The following HLCS variants were observed in gnomAD, a reference collection of about 807,000 sequenced individuals.
The protein encoded by HLCS is holocarboxylase synthetase.
HLCS carries 53 observed loss-of-function variants against 75.0 expected under a neutral mutation model. The observed-to-expected ratio is 0.71, with a 90% CI of 0.57 to 0.89. HLCS has a LOEUF of 0.89. HLCS is among the 40% of genes least tolerant of loss of function. The pLI is 0.00. For missense variants in HLCS, 966 were observed against 1,074.0 expected (o/e 0.90, Z 1.41); for synonymous variants, 431 against 428.6 (o/e 1.01, Z -0.07).
intron 6 of HLCS, among the ~76,000 whole-genome samples, chr21:36,879,329 T>C (rs975153455): frequency 4.6e-5 from 7 of 152,176 alleles, no homozygotes; most frequent in Non-Finnish European, 1.0e-4. Flanking sequence ...TTATTTATAA[T>C]AGGAAATCAC....
At chr21:36,829,803 C>A (rs1172545468) in intron 6 of HLCS, among the ~76,000 whole-genome samples, 2 of 152,210 alleles carry the variant, frequency 1.3e-5, no homozygotes, top group Admixed American at 1.3e-4. Context: ...GCCCCTCTCC[C>A]CGGCCCTCTC....
rs553840865 is a variant in HLCS, at chr21:36,814,811, C to T, written c.1893-47526G>A. ...TCTCCATTTCTAATCCCTCTCCAGG[C>T]AATGCTGATACTGCTGGTTCAAAAT... On this transcript the variant is annotated intron_variant, in intron 6 of 10. Coordinates refer to ENST00000674895, the MANE Select transcript of HLCS (RefSeq NM_001352514.2). Among the ~76,000 whole-genome samples, 5 of 152,260 alleles carry T rather than the reference C, an allele frequency of 3.3e-5. No individual in the cohort carries two copies. In the East Asian group the frequency reaches 7.7e-4, roughly 24 times the overall value.
In HLCS at chr21:36,765,049, GC is replaced by G; in HGVS notation, c.2083del (p.Ala695LeufsTer6). 1 of 1,614,218 alleles carries G rather than the reference GC, an allele frequency of 6.2e-7. No homozygotes were observed. Among genetic ancestry groups the G allele is most frequent in the South Asian group, 1.1e-5 (1 of 91,090 alleles). On this transcript the variant is annotated frameshift_variant, in exon 8 of 11. Coordinates refer to ENST00000674895, the MANE Select transcript of HLCS (RefSeq NM_001352514.2). LOFTEE classifies it high-confidence loss of function. ...AATGGACCTCACTGCTTCCACGACAGCCACGGACATCAGATGCTGGACAAAC... is the reference window on the plus strand; with the variant it reads ...AATGGACCTCACTGCTTCCACGACAGCACGGACATCAGATGCTGGACAAAC... ...IPFVQHLMSV[A>X]VVEAVRSIPE...
chr21:36,797,861 G>T (rs1569024273), intron 6 of HLCS, among the ~76,000 whole-genome samples: 1 of 152,332 alleles, frequency 6.6e-6, no homozygotes, highest in Non-Finnish European at 1.5e-5. Context: ...CATTTACTAT[G>T]TAACACTGTT....
intron 6 of HLCS, among the ~76,000 whole-genome samples, chr21:36,815,793 G>C (rs976191887): frequency 5.3e-5 from 8 of 152,144 alleles, no homozygotes; most frequent in African/African-American, 1.9e-4. Flanking sequence ...CATAGACCAA[G>C]GATGGTCAAC....
intron 6 of HLCS, among the ~76,000 whole-genome samples, chr21:36,891,467 G>A (rs1159859996): frequency 6.6e-6 from 1 of 152,198 alleles, no homozygotes; most frequent in Non-Finnish European, 1.5e-5. Context: ...TTTTATGTAT[G>A]CCCCAGAAAC....
At chr21:36,799,647 C>T (rs528835234) in intron 6 of HLCS, among the ~76,000 whole-genome samples, 44 of 152,264 alleles carry the variant, frequency 2.9e-4, no homozygotes, top group African/African-American at 1.0e-3. Flanking sequence ...GGCCTGAACA[C>T]CCCACCTGCA....
rs1376943382 is a variant in HLCS, at chr21:36,754,340, T to C, written c.2528A>G (p.Gln843Arg). ...IVGLDDSGFL[Q>R]VHQEGGEVVT... ...AACCTCGCCGCCCTCCTGGTGAACC[T>C]GGAGGAAGCCAGAATCGTCCAGGCC... Residue 843 changes from glutamine to arginine, a missense_variant, in exon 11 of 11, where the codon CAG (glutamine) becomes CGG (arginine). Coordinates refer to ENST00000674895, the MANE Select transcript of HLCS (RefSeq NM_001352514.2). 1.9e-6 allele frequency: 3 copies of C among 1,613,944 alleles called. No individual in the cohort carries two copies. Among genetic ancestry groups the C allele is most frequent in the Admixed American group, 1.7e-5 (1 of 60,014 alleles).
intron 6 of HLCS, among the ~76,000 whole-genome samples, chr21:36,821,248 G>A (rs749173845): frequency 1.8e-4 from 27 of 152,302 alleles, no homozygotes; most frequent in South Asian, 4.1e-4. Context: ...ACTGTGTCCA[G>A]GGGATCGTGC....
chr21:36,788,501 C>T (rs776904635), intron 6 of HLCS, among the ~76,000 whole-genome samples: 2 of 152,222 alleles, frequency 1.3e-5, no homozygotes, highest in African/African-American at 2.4e-5. Flanking sequence ...GCTGTGTGTG[C>T]TTTCACAAAA....
chr21:36,824,104 A>G (rs2061934013), intron 6 of HLCS, among the ~76,000 whole-genome samples: 1 of 152,140 alleles, frequency 6.6e-6, no homozygotes, highest in Admixed American at 6.5e-5. Context: ...ACATGGTGAA[A>G]CCCTGTCTCT....
At chr21:36,754,854 G>T (rs2089498543) in intron 10 of HLCS, among the ~76,000 whole-genome samples, 1 of 152,154 alleles carries the variant, frequency 6.6e-6, no homozygotes, top group Non-Finnish European at 1.5e-5. Context: ...AACTCATCCT[G>T]ATCCTACTTC....
intron 6 of HLCS, among the ~76,000 whole-genome samples, chr21:36,782,396 G>A (rs73210798): frequency 0.058 from 8,826 of 152,204 alleles, 359 homozygotes; most frequent in Non-Finnish European, 0.091. Flanking sequence ...CAGCACATGG[G>A]TAGTAAGACA....
intron 5 of HLCS, among the ~76,000 whole-genome samples, chr21:36,907,834 G>C (rs908831538): frequency 2.0e-5 from 3 of 152,152 alleles, no homozygotes; most frequent in Non-Finnish European, 4.4e-5. Context: ...GAGCAAAAGA[G>C]CTGAATAGAC....
chr21:36,756,510 G>A, intron 10 of HLCS, 32 bp downstream of exon 10: 1 of 827,540 alleles, frequency 1.2e-6, no homozygotes, highest in Middle Eastern at 2.6e-4. Flanking sequence ...TAATAAAGGA[G>A]TTGAAAAGAA....
chr21:36,821,095 C>G (rs537305646), intron 6 of HLCS, among the ~76,000 whole-genome samples: 1 of 152,298 alleles, frequency 6.6e-6, no homozygotes, highest in Admixed American at 6.5e-5. Context: ...ACCACGTGTT[C>G]ATCTGACAGC....
intron 6 of HLCS, among the ~76,000 whole-genome samples, chr21:36,776,729 C>G (rs1291687628): frequency 1.3e-5 from 2 of 152,178 alleles, no homozygotes; most frequent in Admixed American, 1.3e-4. Flanking sequence ...GCACTATTAT[C>G]TAATCCAGAG....
chr21:36,861,783 T>C (rs2063390265), intron 6 of HLCS, among the ~76,000 whole-genome samples: 1 of 152,232 alleles, frequency 6.6e-6, no homozygotes, highest in Non-Finnish European at 1.5e-5. Context: ...TGAGACATAA[T>C]TCAAATACCA....
rs1215400278 is a variant in HLCS, at chr21:36,750,167, T to C, written c.*4079A>G. 6.6e-6 allele frequency among the ~76,000 whole-genome samples: 1 copy of C among 152,146 alleles called. No individual in the cohort carries two copies. Among genetic ancestry groups the C allele is most frequent in the African/African-American group, 2.4e-5 (1 of 41,430 alleles). ...TGGGGATAGCGTTTCTTGACTTCTG[T>C]GAGGCTCCGGCAGGGGAAGAGGAAG... On this transcript the variant is annotated 3_prime_UTR_variant, in exon 11 of 11. Transcript: ENST00000674895.
Sources: gnomAD v4.1 joint callset for allele counts (sites outside exome capture counted in the v4.1 genomes callset) on GRCh38, gnomAD v4.1.1 for gene constraint, MANE v1.5 for transcripts, NCBI Gene and HGNC (gene_info 2026-07-23, HGNC 2026-07-21) for gene names.